The following TLK1 variants were observed in gnomAD, a reference collection of about 807,000 sequenced individuals.
TLK1 encodes the protein serine/threonine-protein kinase tousled-like 1.
TLK1 carries 24 observed loss-of-function variants against 105.3 expected under a neutral mutation model. That is an observed-to-expected ratio of 0.23 (90% confidence interval 0.17 to 0.32). TLK1 has a LOEUF of 0.32. Among genes scored for constraint, TLK1 ranks in the 10% least tolerant of loss-of-function variants. The pLI is 1.00. For synonymous variants in TLK1, 321 were observed against 310.4 expected, an observed-to-expected ratio of 1.03 and a Z score of -0.36; for missense variants, 558 against 910.5, an observed-to-expected ratio of 0.61 and a Z score of 4.98.
intron 4 of TLK1, among the ~76,000 whole-genome samples, chr2:171,059,268 A>G (rs1363183460): frequency 6.6e-6 from 1 of 152,206 alleles, no homozygotes; most frequent in Non-Finnish European, 1.5e-5. Flanking sequence ...ATGAAGACAG[A>G]TGGTTTTGGT....
chr2:171,219,339 A>G (rs976412530), intron 1 of TLK1, among the ~76,000 whole-genome samples: 6 of 152,134 alleles, frequency 3.9e-5, no homozygotes, highest in African/African-American at 1.2e-4. Flanking sequence ...CTGTGGTCAC[A>G]TTGCCTTCTC....
chr2:171,226,785 T>C (rs976851088), intron 1 of TLK1, among the ~76,000 whole-genome samples: 2 of 152,130 alleles, frequency 1.3e-5, no homozygotes, highest in East Asian at 3.9e-4. Context: ...ATGGTTAGGG[T>C]AGTGGTCATG....
At chr2:170,998,582 GCT>G (rs1025352580) in intron 18 of TLK1, among the ~76,000 whole-genome samples, 1 of 152,032 alleles carries the variant, frequency 6.6e-6, no homozygotes, top group Non-Finnish European at 1.5e-5. Flanking sequence ...TCCCCAGGTG[GCT>G]CTGCTTTTCT....
intron 1 of TLK1, among the ~76,000 whole-genome samples, chr2:171,227,102 AC>A (rs1220488027): frequency 6.6e-6 from 1 of 152,174 alleles, no homozygotes. Flanking sequence ...TCTCTGGCAT[AC>A]CATTCCCACC....
At chr2:171,164,057 A>T (rs1312948562), upstream of TLK1, among the ~76,000 whole-genome samples, 1 of 152,202 alleles carries the variant, frequency 6.6e-6, no homozygotes, top group African/African-American at 2.4e-5. Context: ...CAGATTGGCT[A>T]TGTTTATTTT....
chr2:171,189,173 T>C (rs1693094926), intron 1 of TLK1, among the ~76,000 whole-genome samples: 1 of 151,142 alleles, frequency 6.6e-6, no homozygotes, highest in Admixed American at 6.6e-5. Context: ...CAATTTTTTT[T>C]TTTTTTTTTT....
At position 171,006,159 on chromosome 2, in the gene TLK1, G is replaced by A; in HGVS notation, c.1892C>T (p.Ala631Val). 2 of 1,593,710 alleles carry A rather than the reference G, an allele frequency of 1.3e-6. No individual in the cohort carries two copies. The highest frequency in any genetic ancestry group is 1.7e-6 in the Non-Finnish European group (2 of 1,171,544). ...GTAATACACTTACCAGTAAGTGCCT[G>A]CCCCCTGGGAAGTTAGATCCATTCC... is the stretch of plus-strand genomic sequence containing the variant. ...VDGMDLTSQG[A>V]GTYWYLPPEC... Residue 631 changes from alanine to valine, a missense_variant, in exon 18 of 21, where the codon GCA becomes GTA. This residue lies in a region of TLK1 where 218 missense variants were observed against 492.9 expected (regional missense o/e 0.44). Coordinates refer to ENST00000431350, the MANE Select transcript of TLK1 (RefSeq NM_012290.5).
chr2:171,024,960 A>AG (rs3836016), intron 12 of TLK1, among the ~76,000 whole-genome samples: 31,505 of 152,122 alleles, frequency 0.21, 3,872 homozygotes, highest in Non-Finnish European at 0.28. Context: ...TACAGTTGAG[A>AG]GGAAAAAAAG....
intron 3 of TLK1, among the ~76,000 whole-genome samples, chr2:171,076,037 GT>G (rs1688487425): frequency 6.6e-6 from 1 of 152,152 alleles, no homozygotes. Flanking sequence ...GGCTAACATG[GT>G]GAAACCCTGT....
intron 1 of TLK1, among the ~76,000 whole-genome samples, chr2:171,210,944 C>G (rs1239831592): frequency 2.0e-5 from 3 of 152,192 alleles, no homozygotes; most frequent in Non-Finnish European, 4.4e-5. Flanking sequence ...CTTCAGCCAG[C>G]AGGTATATAC....
intron 1 of TLK1, among the ~76,000 whole-genome samples, chr2:171,174,308 C>T (rs113496341): frequency 2.3e-4 from 35 of 152,130 alleles, no homozygotes; most frequent in Non-Finnish European, 3.8e-4. Flanking sequence ...TATTCTTTCC[C>T]CCACCCTTTT....
chr2:171,078,083 A>G (rs553782119), intron 3 of TLK1, among the ~76,000 whole-genome samples: 2 of 152,200 alleles, frequency 1.3e-5, no homozygotes, highest in Admixed American at 6.5e-5. Context: ...TGAATTCCAG[A>G]TATCTTCTAC....
At chr2:171,167,797 C>T (rs1270899579) in intron 1 of TLK1, among the ~76,000 whole-genome samples, 3 of 151,866 alleles carry the variant, frequency 2.0e-5, no homozygotes, top group Non-Finnish European at 2.9e-5. Flanking sequence ...CAATAATATC[C>T]CCTCCCCCAA....
intron 1 of TLK1, among the ~76,000 whole-genome samples, chr2:171,207,582 G>C (rs2105323514): frequency 6.6e-6 from 1 of 152,306 alleles, no homozygotes; most frequent in East Asian, 1.9e-4. Context: ...TGTGGTGTGG[G>C]ATGTTGACAG....
At chr2:171,125,700 T>C (rs951054441) in intron 1 of TLK1, among the ~76,000 whole-genome samples, 1 of 152,190 alleles carries the variant, frequency 6.6e-6, no homozygotes, top group African/African-American at 2.4e-5. Flanking sequence ...GAAATTCAAA[T>C]TTCACATGTC....
chr2:171,144,059 T>A (rs1001816538), intron 1 of TLK1, among the ~76,000 whole-genome samples: 11 of 152,146 alleles, frequency 7.2e-5, no homozygotes, highest in Non-Finnish European at 1.3e-4. Context: ...AGACAAACTT[T>A]TAAAAACTGG....
At chr2:170,999,205 G>A (rs1684235236) in intron 18 of TLK1, among the ~76,000 whole-genome samples, 2 of 152,212 alleles carry the variant, frequency 1.3e-5, no homozygotes, top group Admixed American at 6.5e-5. Context: ...AAATAATGCT[G>A]CTCAATGGGA....
At chr2:171,153,906 T>C (rs1432306189) in intron 1 of TLK1, 1 of 152,266 alleles carries the variant, frequency 6.6e-6, no homozygotes, top group Non-Finnish European at 1.5e-5. Flanking sequence ...TCTTTTTTCT[T>C]TTTTGAGACA....
chr2:171,217,339 A>G (rs1389045101), intron 1 of TLK1, among the ~76,000 whole-genome samples: 1 of 152,220 alleles, frequency 6.6e-6, no homozygotes, highest in African/African-American at 2.4e-5. Flanking sequence ...TCAAATCCAC[A>G]GGTAACTTGG....
Sources: allele counts gnomAD v4.1 joint callset (sites outside exome capture counted in the v4.1 genomes callset), GRCh38; gene constraint gnomAD v4.1.1; regional missense constraint gnomAD v4.1.1; transcripts MANE v1.5; gene names NCBI Gene and HGNC (gene_info 2026-07-23, HGNC 2026-07-21).